Variants in TEK observed in about 807,000 individuals in gnomAD.
The protein encoded by TEK is angiopoietin-1 receptor.
Under a neutral mutation model 131.8 loss-of-function variants are expected in TEK, and 43 were observed. That is an observed-to-expected ratio of 0.33 (90% CI 0.26 to 0.42). The LOEUF (loss-of-function observed/expected upper bound fraction) is 0.42, where lower values mean the gene tolerates loss of function less well. Ranked by LOEUF, TEK falls within the 10% of genes least tolerant of loss-of-function variation. The pLI, the probability that TEK is intolerant of heterozygous loss-of-function variation, is 1.00. For missense variants in TEK, 1,162 were observed against 1,384.4 expected, an observed-to-expected ratio of 0.84 and a Z score of 2.55; for synonymous variants, 580 against 491.6, an observed-to-expected ratio of 1.18 and a Z score of -2.38.
chr9:27,222,597 C>T (rs1036281440), intron 21 of TEK, among the ~76,000 whole-genome samples: 3 of 152,114 alleles, frequency 2.0e-5, no homozygotes, highest in Non-Finnish European at 2.9e-5. Context: ...CCCAGAATTT[C>T]GTATCCAACC....
intron 4 of TEK, among the ~76,000 whole-genome samples, chr9:27,170,170 T>C (rs1823897269): frequency 6.6e-6 from 1 of 152,140 alleles, no homozygotes; most frequent in South Asian, 2.1e-4. Context: ...CTCACTATCA[T>C]GTGAACAGCA....
intron 1 of TEK, among the ~76,000 whole-genome samples, chr9:27,148,354 T>C (rs1333293916): frequency 3.3e-5 from 5 of 152,262 alleles, no homozygotes; most frequent in Non-Finnish European, 5.9e-5. Flanking sequence ...GTTGTGAGTA[T>C]ATCAGCTTTT....
intron 1 of TEK, among the ~76,000 whole-genome samples, chr9:27,154,236 A>G (rs1197250599): frequency 6.6e-6 from 1 of 152,082 alleles, no homozygotes; most frequent in Admixed American, 6.5e-5. Context: ...TTACATAGGT[A>G]TACACATGCC....
rs1824571923 is a variant in TEK, at chr9:27,185,632, A to G, written c.1327+3A>G. On this transcript the variant is annotated splice_donor_region_variant and intron_variant, in intron 9 of 22. Transcript: ENST00000380036. ...GCCCTTCAACATTTCTGTTAAAGGTAAGTTCATTTCCCAGAAAAAGGGATT... is the reference window on the plus strand; with the variant it reads ...GCCCTTCAACATTTCTGTTAAAGGTGAGTTCATTTCCCAGAAAAAGGGATT... The G allele has an allele frequency of 6.2e-7, 1 of 1,613,610 alleles. No homozygotes were observed. Among genetic ancestry groups the G allele is most frequent in the South Asian group, 1.1e-5 (1 of 91,070 alleles).
intron 18 of TEK, 111 bp from the exon 19 acceptor site, chr9:27,217,577 A>C (rs1480519845): frequency 2.2e-6 from 2 of 912,898 alleles, no homozygotes; most frequent in Admixed American, 3.8e-5. Flanking sequence ...ACACAAAGCA[A>C]TGATTTCTGA....
intron 1 of TEK, among the ~76,000 whole-genome samples, chr9:27,111,079 T>C (rs1211979900): frequency 6.6e-6 from 1 of 152,210 alleles, no homozygotes; most frequent in African/African-American, 2.4e-5. Context: ...TTTTTACTCC[T>C]AAAGCAACTG....
intron 1 of TEK, among the ~76,000 whole-genome samples, chr9:27,135,191 T>A (rs1258713023): frequency 6.7e-6 from 1 of 150,144 alleles, no homozygotes; most frequent in Admixed American, 6.6e-5. Flanking sequence ...GCCACTGCAC[T>A]CCAGCCTTGG....
chr9:27,124,675 C>T (rs146241437), intron 1 of TEK, among the ~76,000 whole-genome samples: 163 of 152,358 alleles, frequency 1.1e-3, no homozygotes, highest in Middle Eastern at 3.4e-3. Context: ...TGGTGCAACT[C>T]ACTCGGCTTC....
intron 2 of TEK, among the ~76,000 whole-genome samples, chr9:27,162,722 CT>C (rs879782441): frequency 1.8e-3 from 253 of 144,388 alleles, no homozygotes; most frequent in Middle Eastern, 3.6e-3. Context: ...TTTTTCTTTT[CT>C]TTTTTTTTTT....
At chr9:27,116,859 ATT>A (rs66900456) in intron 1 of TEK, among the ~76,000 whole-genome samples, 144 of 120,734 alleles carry the variant, frequency 1.2e-3, no homozygotes, top group East Asian at 2.3e-3. Context: ...ATGGAAAGAA[ATT>A]TTTTTTTTTT....
Position 27,230,153 on chromosome 9 carries a change from T to A in TEK, c.*921T>A, listed in dbSNP as rs1174193565. 1 of 152,206 alleles carries A rather than the reference T, an allele frequency of 6.6e-6. No individual in the cohort carries two copies. The highest frequency in any genetic ancestry group is 1.5e-5 in the Non-Finnish European group (1 of 68,024). 9.4% of individuals were successfully genotyped at this position (152,206 alleles called of 1,614,324 possible). A position where few individuals can be genotyped will look rare whatever the true frequency, so the allele number is the denominator to read the frequency against. On this transcript the variant is annotated 3_prime_UTR_variant, in exon 23 of 23. Transcript: ENST00000380036. Reference sequence around the variant, plus strand: ...CACTGATATATCATGAGTGAATAAATGTCTTGCCTACTCACGTCTCATCCA... The same window carrying A: ...CACTGATATATCATGAGTGAATAAAAGTCTTGCCTACTCACGTCTCATCCA...
chr9:27,164,321 A>AT (rs35837600), intron 2 of TEK, among the ~76,000 whole-genome samples: 44,690 of 140,210 alleles, frequency 0.32, 7,347 homozygotes, highest in Admixed American at 0.37. Flanking sequence ...TACAGTCTTG[A>AT]TTTTTTTTTT....
At position 27,131,478 on chromosome 9, in the gene TEK, CA is replaced by C. The variant is rs537408115; in HGVS notation, c.52+21854del. ...TGGGTAACAGGACAAGACCCTGTCT[CA>C]AAAAAAAAAAAAAAAAAGTTATGAT... On this transcript the variant is annotated intron_variant, in intron 1 of 22. Transcript: ENST00000380036. 5.5e-3 allele frequency among the ~76,000 whole-genome samples: 537 copies of C among 97,114 alleles called. 3 individuals are homozygous for C. Among genetic ancestry groups the C allele is most frequent in the East Asian group, 0.04 (116 of 2,882 alleles). The allele number at this position is 97,114 out of a possible 152,430, so 63.7% of individuals were successfully genotyped here. A position where few individuals can be genotyped will look rare whatever the true frequency, so the allele number is the denominator to read the frequency against.
chr9:27,179,847 A>G (rs1175588496), intron 6 of TEK, among the ~76,000 whole-genome samples: 1 of 152,118 alleles, frequency 6.6e-6, no homozygotes, highest in Non-Finnish European at 1.5e-5. Flanking sequence ...TTGGAGTTGT[A>G]GCTTCCATAC....
intron 1 of TEK, among the ~76,000 whole-genome samples, chr9:27,156,724 T>A (rs1823345885): frequency 6.6e-6 from 1 of 152,038 alleles, no homozygotes; most frequent in South Asian, 2.1e-4. Flanking sequence ...CCTCACAGAG[T>A]TGCTGAATTT....
In TEK at chr9:27,157,823, C is replaced by T; in HGVS notation, c.53-8C>T. ...TAGTCATACATTATTGTCTCTCTTT[C>T]CTTTTAGGAACTGTGGAAGGTGCCA... On this transcript the variant is annotated splice_polypyrimidine_tract_variant and splice_region_variant and intron_variant, in intron 1 of 22. Coordinates refer to ENST00000380036, the MANE Select transcript of TEK (RefSeq NM_000459.5). 1.2e-6 allele frequency: 2 copies of T among 1,614,054 alleles called. No homozygotes were observed. Among genetic ancestry groups the T allele is most frequent in the Non-Finnish European group, 1.7e-6 (2 of 1,179,970 alleles).
intron 16 of TEK, 46 bp downstream of exon 16, chr9:27,209,277 C>T (rs1825514267): frequency 1.5e-6 from 2 of 1,345,826 alleles, no homozygotes; most frequent in Admixed American, 1.7e-5. Context: ...TTTTATAAAA[C>T]AGACAAATTC....
chr9:27,226,438 G>C (rs12350012), intron 21 of TEK, among the ~76,000 whole-genome samples: 1 of 152,034 alleles, frequency 6.6e-6, no homozygotes, highest in African/African-American at 2.4e-5. Flanking sequence ...GGACGGACAT[G>C]GATGAAGCTG....
rs539332352 is a variant in TEK, at chr9:27,192,602, C to T, written c.1603C>T (p.Arg535Cys). Reference protein sequence around the residue: ...GGEGHPGPVRRFTTASIGLPP... With the variant: ...GGEGHPGPVRCFTTASIGLPP... ...GGAAGGGCATCCTGGACCTGTGAGACGCTTCACAACAGCTTCTATCGGTCA... is the reference window on the plus strand; with the variant it reads ...GGAAGGGCATCCTGGACCTGTGAGATGCTTCACAACAGCTTCTATCGGTCA... The change falls in exon 11 of 23, where the codon CGC becomes TGC. Residue 535 changes from arginine to cysteine, a missense_variant. Physicochemically the swap from Arg to Cys is radical, Grantham distance 180. This residue lies in a region of TEK where 477 missense variants were observed against 471.0 expected (regional missense o/e 1.01). Coordinates refer to ENST00000380036, the MANE Select transcript of TEK (RefSeq NM_000459.5). 47 of 1,613,268 alleles carry T rather than the reference C, an allele frequency of 2.9e-5. No individual in the cohort carries two copies. Among genetic ancestry groups the T allele is most frequent in the African/African-American group, 1.1e-4 (8 of 74,840 alleles).
Sources: allele counts gnomAD v4.1 joint callset (sites outside exome capture counted in the v4.1 genomes callset), GRCh38; gene constraint gnomAD v4.1.1; regional missense constraint gnomAD v4.1.1; transcripts MANE v1.5; gene names NCBI Gene and HGNC (gene_info 2026-07-23, HGNC 2026-07-21).